P3H2: variants seen among roughly 807,000 people sequenced by gnomAD.
P3H2 encodes the protein leprecan-like 1.
In P3H2, 80 loss-of-function variants were observed where a neutral mutation model predicts 87.0. The observed-to-expected ratio is 0.92, with a 90% confidence interval of 0.77 to 1.11. P3H2 has a LOEUF of 1.11. Ranked by LOEUF, P3H2 falls within the 50% of genes least tolerant of loss-of-function variation. P3H2 has a pLI of 0.00. For missense variants in P3H2, 1,001 were observed against 923.9 expected, an observed-to-expected ratio of 1.08 and a Z score of -1.08; for synonymous variants, 367 against 359.3, an observed-to-expected ratio of 1.02 and a Z score of -0.24.
At chr3:189,978,030 A>G (rs1433843684) in intron 8 of P3H2, among the ~76,000 whole-genome samples, 1 of 152,204 alleles carries the variant, frequency 6.6e-6, no homozygotes, top group Non-Finnish European at 1.5e-5. Context: ...ATTCCCTCGA[A>G]TATTTGGAAA....
At chr3:190,032,519 G>A (rs1239418714) in intron 1 of P3H2, among the ~76,000 whole-genome samples, 2 of 152,182 alleles carry the variant, frequency 1.3e-5, no homozygotes, top group Non-Finnish European at 2.9e-5. Flanking sequence ...ATAGGAAGGA[G>A]AGGAGAAGAG....
At chr3:190,110,489 G>A (rs1021562295) in intron 1 of P3H2, among the ~76,000 whole-genome samples, 2 of 152,230 alleles carry the variant, frequency 1.3e-5, no homozygotes, top group African/African-American at 2.4e-5. Flanking sequence ...ATGATTGACT[G>A]TGAAAGTCTC....
chr3:190,087,565 C>T lies in P3H2; in HGVS notation c.480+32687G>A, dbSNP rs577486914. The stretch of plus-strand genomic sequence containing the variant: ...TCTCAAAAAAAAAAAAAAAAAAAAC[C>T]ATCAAGAAAAGGCAATGTCATCCAT... On this transcript the variant is annotated intron_variant, in intron 1 of 14. Transcript: ENST00000319332. Among the ~76,000 whole-genome samples the T allele has an allele frequency of 4.8e-5, 7 of 145,988 alleles. No homozygotes were observed. In the South Asian group the frequency reaches 8.6e-4, roughly 18 times the overall value.
chr3:189,959,476 A>G (rs1208683655), intron 14 of P3H2, among the ~76,000 whole-genome samples: 7 of 137,262 alleles, frequency 5.1e-5, no homozygotes, highest in East Asian at 2.2e-4. Flanking sequence ...TCATTGTTCA[A>G]TTCCCACCTA....
At chr3:190,076,927 G>T (rs148814797) in intron 1 of P3H2, among the ~76,000 whole-genome samples, 21 of 152,230 alleles carry the variant, frequency 1.4e-4, no homozygotes, top group African/African-American at 4.8e-4. Flanking sequence ...TGGAGGAAAG[G>T]GTTTTTCATT....
chr3:190,016,941 C>G (rs1454875280), intron 1 of P3H2, among the ~76,000 whole-genome samples: 4 of 152,180 alleles, frequency 2.6e-5, no homozygotes, highest in Admixed American at 6.5e-5. Flanking sequence ...TTGGTCACAG[C>G]CATTCCAGAT....
In P3H2 at chr3:190,065,353, G is replaced by A. The variant is rs578137355; in HGVS notation, c.480+54899C>T. 2.6e-5 allele frequency among the ~76,000 whole-genome samples: 4 copies of A among 152,174 alleles called. No individual in the cohort carries two copies. The South Asian group carries it at 8.3e-4, about 31-fold the overall frequency. On this transcript the variant is annotated intron_variant, in intron 1 of 14. Coordinates refer to ENST00000319332, the MANE Select transcript of P3H2 (RefSeq NM_018192.4). ...CCTCCCTTTCCTTGTCTATCAACTG[G>A]TTGATGAGTGTCAATACCCAGGAGG...
At chr3:190,022,952 G>C (rs990138929) in intron 1 of P3H2, among the ~76,000 whole-genome samples, 13 of 151,828 alleles carry the variant, frequency 8.6e-5, no homozygotes, top group African/African-American at 2.2e-4. Context: ...TCAGCCTCCC[G>C]AGTAGCTGGG....
chr3:189,970,902 G>T lies in P3H2; in HGVS notation c.1818-11C>A. Reference sequence around the variant, plus strand: ...ATATATAGGAGAGCACTATAAGAATGAAGAGAAAACTATTTGTATTATTAT... The same window carrying T: ...ATATATAGGAGAGCACTATAAGAATTAAGAGAAAACTATTTGTATTATTAT... On this transcript the variant is annotated splice_polypyrimidine_tract_variant and intron_variant, in intron 12 of 14. Transcript: ENST00000319332. The T allele has an allele frequency of 6.9e-7, 1 of 1,446,850 alleles. No individual in the cohort carries two copies. Among genetic ancestry groups the T allele is most frequent in the Non-Finnish European group, 9.7e-7 (1 of 1,027,712 alleles). The allele number at this position is 1,446,850 out of a possible 1,614,324, so 89.6% of individuals were successfully genotyped here. A position where few individuals can be genotyped will look rare whatever the true frequency, so the allele number is the denominator to read the frequency against.
At chr3:190,079,500 G>A (rs1726978762) in intron 1 of P3H2, among the ~76,000 whole-genome samples, 1 of 152,078 alleles carries the variant, frequency 6.6e-6, no homozygotes, top group South Asian at 2.1e-4. Flanking sequence ...AATTTTACTA[G>A]TAGTAGGTTA....
chr3:189,994,952 A>G (rs1719596), intron 2 of P3H2, among the ~76,000 whole-genome samples: 140,082 of 152,032 alleles, frequency 0.92, 64,666 homozygotes, highest in African/African-American at 0.98. Flanking sequence ...TAAGAGTATC[A>G]GAAAGGTTCA....
At chr3:190,117,738 T>A (rs1393276951) in intron 1 of P3H2, among the ~76,000 whole-genome samples, 1 of 151,364 alleles carries the variant, frequency 6.6e-6, no homozygotes, top group Non-Finnish European at 1.5e-5. Flanking sequence ...AAACTGGGGC[T>A]TTCTTGGGGG....
chr3:190,014,954 T>C (rs1342508180), intron 1 of P3H2, among the ~76,000 whole-genome samples: 2 of 152,198 alleles, frequency 1.3e-5, no homozygotes, highest in African/African-American at 4.8e-5. Context: ...AACCATTCAA[T>C]ATCTCTGAAT....
intron 1 of P3H2, among the ~76,000 whole-genome samples, chr3:190,051,392 G>A (rs1459433154): frequency 6.6e-6 from 1 of 152,070 alleles, no homozygotes; most frequent in Non-Finnish European, 1.5e-5. Context: ...GTCAAACAAT[G>A]CAATTTAATA....
At chr3:190,109,177 T>A (rs940740941) in intron 1 of P3H2, among the ~76,000 whole-genome samples, 6 of 152,240 alleles carry the variant, frequency 3.9e-5, no homozygotes, top group Non-Finnish European at 7.3e-5. Context: ...GCCTGAGACC[T>A]TTAGACTTCA....
At chr3:190,078,347 C>T (rs147819517) in intron 1 of P3H2, among the ~76,000 whole-genome samples, 13 of 152,228 alleles carry the variant, frequency 8.5e-5, no homozygotes, top group African/African-American at 2.4e-4. Context: ...TGAAATTGGT[C>T]ATTTTAGCAG....
intron 1 of P3H2, among the ~76,000 whole-genome samples, chr3:190,006,672 GA>G (rs777938432): frequency 6.6e-6 from 1 of 152,196 alleles, no homozygotes; most frequent in Non-Finnish European, 1.5e-5. Flanking sequence ...GGAGAAATGT[GA>G]AATCACAGTA....
chr3:189,963,817 T>A, intron 14 of P3H2, 141 bp downstream of exon 14: 1 of 816,454 alleles, frequency 1.2e-6, no homozygotes. Flanking sequence ...TCTACAAACA[T>A]CTTCACTTAC....
intron 1 of P3H2, among the ~76,000 whole-genome samples, chr3:190,073,438 G>T (rs866713211): frequency 6.6e-6 from 1 of 152,152 alleles, no homozygotes; most frequent in Admixed American, 6.5e-5. Flanking sequence ...CAATCTGCTT[G>T]TTTTCAGCTT....
Sources: allele counts gnomAD v4.1 joint callset (sites outside exome capture counted in the v4.1 genomes callset), GRCh38; gene constraint gnomAD v4.1.1; transcripts MANE v1.5; gene names NCBI Gene and HGNC (gene_info 2026-07-23, HGNC 2026-07-21).